TENT4A: variants seen among roughly 807,000 people sequenced by gnomAD.
TENT4A encodes DNA polymerase kappa.
In TENT4A, 7 loss-of-function variants were observed where a neutral mutation model predicts 72.8. That is an observed-to-expected ratio of 0.10 (90% CI 0.05 to 0.18). The LOEUF is 0.18. TENT4A is among the 10% of genes least tolerant of loss of function. The probability of loss-of-function intolerance (pLI) is 1.00; values close to 1 mark genes in which losing one functional copy is unlikely to be tolerated. For synonymous variants in TENT4A, 456 were observed against 434.3 expected (o/e 1.05, Z -0.62); for missense variants, 831 against 1,017.7 (o/e 0.82, Z 2.50).
intron 1 of TENT4A, among the ~76,000 whole-genome samples, chr5:6,736,793 T>G (rs1741528427): frequency 6.6e-6 from 1 of 152,200 alleles, no homozygotes; most frequent in South Asian, 2.1e-4. Flanking sequence ...AGAGCTTTGT[T>G]AAGAGAGAGA....
Position 6,713,869 on chromosome 5 carries a change from A to T in TENT4A, c.-115A>T. The T allele has an allele frequency of 5.2e-6, 1 of 190,512 alleles. No homozygotes were observed. Among genetic ancestry groups the T allele is most frequent in the Non-Finnish European group, 8.8e-6 (1 of 113,310 alleles). The allele number at this position is 190,512 out of a possible 1,614,324, so 11.8% of individuals were successfully genotyped here. A position where few individuals can be genotyped will look rare whatever the true frequency, so the allele number is the denominator to read the frequency against. ...CGCCGCCGCCGCCGCCGCCGCCGCC[A>T]CCGGCCCAGGCCCGTCCGTCCGTCC... is the stretch of plus-strand genomic sequence containing the variant. On this transcript the variant is annotated 5_prime_UTR_variant, in exon 1 of 13. Coordinates refer to ENST00000230859, the MANE Select transcript of TENT4A (RefSeq NM_006999.6).
At chr5:6,742,850 T>G (rs1741882884) in intron 5 of TENT4A, among the ~76,000 whole-genome samples, 1 of 152,266 alleles carries the variant, frequency 6.6e-6, no homozygotes, top group Admixed American at 6.5e-5. Context: ...GTTAAAATGT[T>G]CTTTCTAGTT....
intron 1 of TENT4A, among the ~76,000 whole-genome samples, chr5:6,724,913 A>C (rs558461455): frequency 6.6e-6 from 1 of 152,354 alleles, no homozygotes; most frequent in South Asian, 2.1e-4. Context: ...GGGGTCACAC[A>C]GCTGGTAGGT....
intron 11 of TENT4A, 36 bp from the exon 12 acceptor site, chr5:6,752,837 T>A (rs368998769): frequency 1.8e-4 from 288 of 1,599,750 alleles, no homozygotes; most frequent in Non-Finnish European, 2.4e-4. Flanking sequence ...CTCTGATTGC[T>A]TTGGTACCCA....
intron 1 of TENT4A, among the ~76,000 whole-genome samples, chr5:6,726,757 T>TC (rs987966590): frequency 6.6e-6 from 1 of 152,110 alleles, no homozygotes; most frequent in African/African-American, 2.4e-5. Flanking sequence ...TGAGACCCAG[T>TC]CCCCAGGGAT....
At chr5:6,729,771 T>A (rs893650011) in intron 1 of TENT4A, among the ~76,000 whole-genome samples, 3 of 152,134 alleles carry the variant, frequency 2.0e-5, no homozygotes, top group Non-Finnish European at 4.4e-5. Context: ...GGTGGTTTTT[T>A]TGTGTGTGTG....
Position 6,713,922 on chromosome 5 carries a change from C to A in TENT4A, c.-62C>A. ...GCGCGCGCGGCCGGGCCTCGGGGCG[C>A]GGCGGGGGCGGGGCCGCGTCGGGGC... On this transcript the variant is annotated 5_prime_UTR_variant, in exon 1 of 13. Coordinates refer to ENST00000230859, the MANE Select transcript of TENT4A (RefSeq NM_006999.6). 1.4e-6 allele frequency: 1 copy of A among 710,124 alleles called. No homozygotes were observed. The highest frequency in any genetic ancestry group is 1.7e-6 in the Non-Finnish European group (1 of 582,106). The allele number at this position is 710,124 out of a possible 1,614,324, so 44.0% of individuals were successfully genotyped here. A position where few individuals can be genotyped will look rare whatever the true frequency, so the allele number is the denominator to read the frequency against.
At chr5:6,741,160 C>T (rs28363362) in intron 4 of TENT4A, among the ~76,000 whole-genome samples, 2,810 of 152,254 alleles carry the variant, frequency 0.018, 35 homozygotes, top group South Asian at 0.04. Context: ...TCGTTACTGT[C>T]GCATATTGGC....
intron 10 of TENT4A, 66 bp downstream of exon 10, chr5:6,750,569 C>T (rs934484730): frequency 8.9e-5 from 125 of 1,400,582 alleles, no homozygotes; most frequent in Middle Eastern, 1.9e-4. Flanking sequence ...TGTCCATAGC[C>T]GCGAGCTTAA....
At chr5:6,753,416 C>A (rs373019904) in intron 12 of TENT4A, among the ~76,000 whole-genome samples, 2 of 152,206 alleles carry the variant, frequency 1.3e-5, no homozygotes, top group Admixed American at 6.5e-5. Context: ...CATGATGTCC[C>A]GTGTATGCTG....
intron 7 of TENT4A, among the ~76,000 whole-genome samples, chr5:6,748,112 T>G (rs896224268): frequency 3.9e-5 from 6 of 152,224 alleles, no homozygotes; most frequent in African/African-American, 1.4e-4. Context: ...TGGTAGTCTT[T>G]GGCTTCCTCA....
chr5:6,733,401 C>CA (rs1234579900), intron 1 of TENT4A, among the ~76,000 whole-genome samples: 1 of 152,266 alleles, frequency 6.6e-6, no homozygotes, highest in Non-Finnish European at 1.5e-5. Flanking sequence ...CTAGGGCTCT[C>CA]ACTGTGTCCT....
intron 1 of TENT4A, among the ~76,000 whole-genome samples, chr5:6,715,825 C>G (rs1229173271): frequency 4.6e-5 from 7 of 152,216 alleles, no homozygotes; most frequent in Admixed American, 4.6e-4. Flanking sequence ...GGGCTACAAG[C>G]GATACCTTCT....
chr5:6,714,905 A>G (rs1241599282), intron 1 of TENT4A: 2 of 272,526 alleles, frequency 7.3e-6, no homozygotes, highest in African/African-American at 4.4e-5. Context: ...CCTACAAGTA[A>G]CAGTCCAAGA....
intron 1 of TENT4A, among the ~76,000 whole-genome samples, chr5:6,728,840 G>T (rs76465103): frequency 6.6e-6 from 1 of 152,236 alleles, no homozygotes; most frequent in Non-Finnish European, 1.5e-5. Flanking sequence ...TAAAAGCAAT[G>T]ATGACTTATT....
intron 1 of TENT4A, among the ~76,000 whole-genome samples, chr5:6,721,356 C>T (rs561866426): frequency 3.7e-4 from 56 of 152,336 alleles, no homozygotes; most frequent in Middle Eastern, 6.8e-3. Context: ...TGCTTTCCTT[C>T]CTGGAGAGTG....
intron 6 of TENT4A, among the ~76,000 whole-genome samples, chr5:6,744,941 GCCT>G (rs765265362): frequency 3.1e-4 from 47 of 152,282 alleles, no homozygotes; most frequent in Non-Finnish European, 6.5e-4. Flanking sequence ...TGGGTCCAGG[GCCT>G]CCTCCACCCC....
chr5:6,720,352 G>A (rs576161991), intron 1 of TENT4A, among the ~76,000 whole-genome samples: 56 of 152,200 alleles, frequency 3.7e-4, no homozygotes, highest in African/African-American at 1.2e-3. Flanking sequence ...CATAGAATCC[G>A]TTGATGAGCA....
intron 4 of TENT4A, among the ~76,000 whole-genome samples, chr5:6,741,419 T>C (rs956527405): frequency 9.9e-5 from 15 of 152,060 alleles, no homozygotes; most frequent in Non-Finnish European, 2.1e-4. Flanking sequence ...TGTGCAAGAG[T>C]AGGGCAGGAG....
Sources: allele counts gnomAD v4.1 joint callset (sites outside exome capture counted in the v4.1 genomes callset), GRCh38; gene constraint gnomAD v4.1.1; transcripts MANE v1.5; gene names NCBI Gene and HGNC (gene_info 2026-07-23, HGNC 2026-07-21).